The following SON variants were observed in gnomAD, a reference collection of about 807,000 sequenced individuals.
The protein encoded by SON is protein SON.
In SON, 4 loss-of-function variants were observed where a neutral mutation model predicts 173.3. The ratio of observed to expected loss-of-function variants is 0.02; its 90% CI spans 0.01 to 0.05. The LOEUF (loss-of-function observed/expected upper bound fraction) is 0.05. SON is among the 10% of genes least tolerant of loss of function. The probability of loss-of-function intolerance (pLI) is 1.00; values close to 1 mark genes in which losing one functional copy is unlikely to be tolerated. For synonymous variants in SON, 1,190 were observed against 1,105.9 expected (o/e 1.08, Z -1.51); for missense variants, 2,626 against 3,055.3 (o/e 0.86, Z 3.31).
Position 33,554,855 on chromosome 21 carries a change from G to A in SON, c.5624G>A (p.Arg1875Lys), listed in dbSNP as rs1467612932. ...SRSRRRRRSS[R>K]SRSKSRGRRS... ...TCAAGACGCAGGAGGAGAAGCAGCA[G>A]ATCAAGATCAAAGTCTAGAGGAAGA... Residue 1875 changes from arginine (R) to lysine (K), a missense_variant, in exon 3 of 12, where the codon AGA becomes AAA. Transcript: ENST00000356577. 7 of 1,614,006 alleles carry A rather than the reference G, an allele frequency of 4.3e-6. No homozygotes were observed. The Admixed American group carries it at 1.2e-4, about 27-fold the overall frequency.
intron 3 of SON, among the ~76,000 whole-genome samples, chr21:33,555,704 TAAAAAC>T (rs2085953513): frequency 1.3e-5 from 2 of 152,242 alleles, no homozygotes; most frequent in South Asian, 4.1e-4. Context: ...CTAGCTAAAT[TAAAAAC>T]AAGCTAAGTA....
rs765755847 is a variant in SON at position 33,549,552 on chromosome 21, G to C, written c.321G>C (p.Lys107Asn). The C allele has an allele frequency of 1.3e-6, 2 of 1,586,012 alleles. No individual in the cohort carries two copies. The highest frequency in any genetic ancestry group is 1.2e-5 in the South Asian group (1 of 84,398). ...CTACTGATGAAATTCCCACTAAAAA[G>C]TCAAAGAAGCATAAAAAGCACAAAA... is the stretch of plus-strand genomic sequence containing the variant. ...TDPTDEIPTK[K>N]SKKHKKHKNK... The change falls in exon 3 of 12, where the codon AAG becomes AAC. Residue 107 changes from lysine to asparagine, a missense_variant. Coordinates refer to ENST00000356577, the MANE Select transcript of SON (RefSeq NM_138927.4).
rs747450046 is a variant in SON, at chr21:33,576,560, G to T, written c.*136G>T. The T allele has an allele frequency of 3.9e-6, 3 of 768,722 alleles. No individual in the cohort carries two copies. Among genetic ancestry groups the T allele is most frequent in the Non-Finnish European group, 7.3e-6 (3 of 412,568 alleles). 47.6% of individuals were successfully genotyped at this position (768,722 alleles called of 1,614,324 possible). ...ATGGCTAATGCCACTTGCTTCAGGAGTGCCTCACGTAGATAGATTGAGGTT... is the reference window on the plus strand; with the variant it reads ...ATGGCTAATGCCACTTGCTTCAGGATTGCCTCACGTAGATAGATTGAGGTT... On this transcript the variant is annotated 3_prime_UTR_variant, in exon 12 of 12. Transcript: ENST00000356577.
At chr21:33,557,066 G>A (rs545524353) in intron 3 of SON, 90 bp from the exon 4 acceptor site, 2 of 1,123,692 alleles carry the variant, frequency 1.8e-6, no homozygotes, top group Admixed American at 2.7e-5. Flanking sequence ...GATCTAGGAT[G>A]CCTTTAGTTT....
Position 33,554,527 on chromosome 21 carries a change from T to C in SON, c.5296T>C (p.Ser1766Pro). ...TGCAAGTGATGTTGGACGTGACAGA[T>C]CTGCTGCCAGCCCGGTTGTAAGTAG... ...LLASDVGRDR[S>P]AASPVVSSMP... The change falls in exon 3 of 12, where the codon TCT becomes CCT. Residue 1766 changes from serine (S) to proline (P), a missense_variant. This residue lies in a region of SON where 1,006 missense variants were observed against 895.6 expected (regional missense o/e 1.12). Coordinates refer to ENST00000356577, the MANE Select transcript of SON (RefSeq NM_138927.4). 6.2e-7 allele frequency: 1 copy of C among 1,614,118 alleles called. No homozygotes were observed. The highest frequency in any genetic ancestry group is 1.1e-5 in the South Asian group (1 of 91,080).
intron 6 of SON, chr21:33,560,718 A>AG: frequency 1.8e-6 from 1 of 550,420 alleles, no homozygotes; most frequent in Non-Finnish European, 2.3e-6. Flanking sequence ...GAGTCTTAAT[A>AG]GGGGGGTGGG....
At chr21:33,563,266 T>C (rs1039234947) in intron 6 of SON, among the ~76,000 whole-genome samples, 2 of 152,188 alleles carry the variant, frequency 1.3e-5, no homozygotes, top group Non-Finnish European at 2.9e-5. Context: ...TTTAGTCTAT[T>C]ATACACTAGA....
In SON at chr21:33,555,131, C is replaced by G. The variant is rs867871195; in HGVS notation, c.5900C>G (p.Pro1967Arg). The G allele has an allele frequency of 2.0e-6, 3 of 1,482,866 alleles. No homozygotes were observed. Among genetic ancestry groups the G allele is most frequent in the Non-Finnish European group, 2.7e-6 (3 of 1,119,918 alleles). The allele number at this position is 1,482,866 out of a possible 1,614,324, so 91.9% of individuals were successfully genotyped here. A position where few individuals can be genotyped will look rare whatever the true frequency, so the allele number is the denominator to read the frequency against. ...ACCCCCAGCCGCCGCAGCCGCACCC[C>G]CAGCCGCCGCAGCCGCACCCCCAGC... ...SRTPSRRSRT[P>R]SRRSRTPSRR... The change falls in exon 3 of 12, where the codon CCC becomes CGC. Residue 1967 changes from proline to arginine, a missense_variant. This residue lies in a region of SON where 138 missense variants were observed against 222.9 expected (regional missense o/e 0.62). Coordinates refer to ENST00000356577, the MANE Select transcript of SON (RefSeq NM_138927.4).
intron 1 of SON, among the ~76,000 whole-genome samples, chr21:33,544,754 CT>C (rs1259690559): frequency 6.6e-6 from 1 of 152,204 alleles, no homozygotes; most frequent in Non-Finnish European, 1.5e-5. Flanking sequence ...TTAACGATTG[CT>C]GGCTTTAAGA....
chr21:33,544,451 C>T (rs995987648), intron 1 of SON, among the ~76,000 whole-genome samples: 2 of 152,076 alleles, frequency 1.3e-5, no homozygotes, highest in African/African-American at 4.8e-5. Context: ...GCTAGTCTTT[C>T]CTTTAGAAAA....
chr21:33,568,092 T>C (rs1170634325), intron 7 of SON, among the ~76,000 whole-genome samples: 2 of 152,204 alleles, frequency 1.3e-5, no homozygotes, highest in Non-Finnish European at 2.9e-5. Context: ...AGGAAATACA[T>C]TGCTGACAGT....
rs1343744053 is a variant in SON, at chr21:33,554,651, A to G, written c.5420A>G (p.Lys1807Arg). The G allele has an allele frequency of 1.2e-6, 2 of 1,613,050 alleles. No individual in the cohort carries two copies. The change falls in exon 3 of 12, where the codon AAG (lysine) becomes AGG (arginine). Residue 1807 changes from lysine (K) to arginine (R), a missense_variant. Around this residue, in one of 13 missense-constraint regions of SON, gnomAD observed 1,006 missense variants for 895.6 expected, o/e 1.12. Transcript: ENST00000356577. ...KDTHEKSKKN[K>R]NRDKGEKEKK... ...ACTCACGAAAAAAGCAAGAAAAATA[A>G]GAACCGTGATAAGGGGGAGAAAGAG... is the stretch of plus-strand genomic sequence containing the variant.
chr21:33,557,088 T>C lies in SON; in HGVS notation c.6161-68T>C, dbSNP rs973643038. 4 of 1,456,514 alleles carry C rather than the reference T, an allele frequency of 2.7e-6. No homozygotes were observed. In the African/African-American group the frequency reaches 5.8e-5, roughly 21 times the overall value. 90.2% of individuals were successfully genotyped at this position (1,456,514 alleles called of 1,614,324 possible). ...GATGCCTTTAGTTTTGTTAGTATGT[T>C]AGACTTTTGGTAATACAAAATGTAC... On this transcript the variant is annotated intron_variant, in intron 3 of 11. Coordinates refer to ENST00000356577, the MANE Select transcript of SON (RefSeq NM_138927.4).
At chr21:33,556,281 GTC>G (rs2085964498) in intron 3 of SON, among the ~76,000 whole-genome samples, 1 of 152,286 alleles carries the variant, frequency 6.6e-6, no homozygotes, top group African/African-American at 2.4e-5. Context: ...ATGCATATAT[GTC>G]TCTCTTATAG....
rs1478053697 is a variant in SON at position 33,577,000 on chromosome 21, T to C, written c.*576T>C. ...TGCTGGACAGATAATGGGCCAGTGT[T>C]ATTGAGGTGATCAAGATCTGTTCCA... On this transcript the variant is annotated 3_prime_UTR_variant, in exon 12 of 12. Coordinates refer to ENST00000356577, the MANE Select transcript of SON (RefSeq NM_138927.4). 1 of 172,012 alleles carries C rather than the reference T, an allele frequency of 5.8e-6. No homozygotes were observed. The highest frequency in any genetic ancestry group is 1.3e-5 in the Non-Finnish European group (1 of 77,350). 10.7% of individuals were successfully genotyped at this position (172,012 alleles called of 1,614,324 possible). A position where few individuals can be genotyped will look rare whatever the true frequency, so the allele number is the denominator to read the frequency against.
intron 1 of SON, among the ~76,000 whole-genome samples, chr21:33,545,695 T>C (rs1228212177): frequency 6.6e-6 from 1 of 152,256 alleles, no homozygotes; most frequent in African/African-American, 2.4e-5. Context: ...CAGTGGCATT[T>C]CAGTAGCAAT....
At chr21:33,565,706 C>G (rs2145864894) in intron 6 of SON, among the ~76,000 whole-genome samples, 1 of 152,166 alleles carries the variant, frequency 6.6e-6, no homozygotes, top group Admixed American at 6.5e-5. Context: ...TTGAGAGATT[C>G]AATTTGAAAG....
rs917638298 is a variant in SON, at chr21:33,550,037, A to T, written c.806A>T (p.Glu269Val). 1.9e-6 allele frequency: 3 copies of T among 1,614,030 alleles called. No homozygotes were observed. In the African/African-American group the frequency reaches 4.0e-5, roughly 22 times the overall value. The change falls in exon 3 of 12, where the codon GAG becomes GTG. Residue 269 changes from glutamate to valine, a missense_variant. Glu to Val is a moderately radical substitution (Grantham distance 121). Around this residue, in one of 13 missense-constraint regions of SON, gnomAD observed 757 missense variants for 730.1 expected, o/e 1.04. Transcript: ENST00000356577. ...GAGCCAGTTGTAACAATGTCAGTGGAGTATCAGATGAAGTCTGTGCTGAAA... is the reference window on the plus strand; with the variant it reads ...GAGCCAGTTGTAACAATGTCAGTGGTGTATCAGATGAAGTCTGTGCTGAAA... Reference protein sequence around the residue: ...SSEPVVTMSVEYQMKSVLKSV... With the variant: ...SSEPVVTMSVVYQMKSVLKSV...
At position 33,554,470 on chromosome 21, in the gene SON, A is replaced by G. The variant is rs748515727; in HGVS notation, c.5239A>G (p.Ser1747Gly). Residue 1747 changes from serine (S) to glycine (G), a missense_variant, in exon 3 of 12, where the codon AGC (serine) becomes GGC (glycine). Physicochemically the swap from Ser to Gly is moderately conservative, Grantham distance 56. Transcript: ENST00000356577. ...TCCTAAGGACATGGAACGTCTTACA[A>G]GCCTTAGAGCTGGCATTGAAGGACC... ...LLPKDMERLT[S>G]LRAGIEGPLL... 7.4e-6 allele frequency: 12 copies of G among 1,614,194 alleles called. No homozygotes were observed. Among genetic ancestry groups the G allele is most frequent in the Non-Finnish European group, 1.0e-5 (12 of 1,180,034 alleles).
Sources: allele counts gnomAD v4.1 joint callset (sites outside exome capture counted in the v4.1 genomes callset), GRCh38; gene constraint gnomAD v4.1.1; regional missense constraint gnomAD v4.1.1; transcripts MANE v1.5; gene names NCBI Gene and HGNC (gene_info 2026-07-23, HGNC 2026-07-21).